LRMDA: variants seen among roughly 807,000 people sequenced by gnomAD.
LRMDA encodes leucine-rich melanocyte differentiation-associated protein.
In LRMDA, 18 loss-of-function variants were observed where a neutral mutation model predicts 29.8. That is an observed-to-expected ratio of 0.60 (90% confidence interval 0.42 to 0.90). The LOEUF (loss-of-function observed/expected upper bound fraction) is 0.90, where lower values mean the gene tolerates loss of function less well. Among genes scored for constraint, LRMDA ranks in the 40% least tolerant of loss-of-function variants. LRMDA has a pLI of 0.00. For missense variants in LRMDA, 273 were observed against 273.9 expected (o/e 1.00, Z 0.02); for synonymous variants, 125 against 109.4 (o/e 1.14, Z -0.89).
At chr10:76,330,642 G>A (rs1014740297) in intron 6 of LRMDA, among the ~76,000 whole-genome samples, 2 of 152,156 alleles carry the variant, frequency 1.3e-5, no homozygotes, top group Non-Finnish European at 2.9e-5. Context: ...GTAAGAGAAG[G>A]CCAGAGAGAC....
At chr10:76,041,604 A>C (rs1293906164) in intron 3 of LRMDA, among the ~76,000 whole-genome samples, 1 of 152,202 alleles carries the variant, frequency 6.6e-6, no homozygotes, top group Admixed American at 6.5e-5. Flanking sequence ...AGAGGGAGGG[A>C]TGTGTCCATT....
At position 76,442,820 on chromosome 10, in the gene LRMDA, G is replaced by T. The variant is rs563308458; in HGVS notation, c.602-114389G>T. The stretch of plus-strand genomic sequence containing the variant: ...GCTGAGCTTCTGCGACAAGTCTTAC[G>T]TAATGAATAAACTCTGGTGTTCAGT... On this transcript the variant is annotated intron_variant, in intron 6 of 6. Transcript: ENST00000611255. 5.9e-5 allele frequency among the ~76,000 whole-genome samples: 9 copies of T among 152,262 alleles called. No individual in the cohort carries two copies. In the East Asian group the frequency reaches 1.5e-3, roughly 26 times the overall value.
At chr10:75,597,527 A>T (rs182124910) in intron 2 of LRMDA, among the ~76,000 whole-genome samples, 11 of 152,194 alleles carry the variant, frequency 7.2e-5, no homozygotes, top group African/African-American at 2.6e-4. Context: ...AGCCTCCCTC[A>T]TTTACTCCTT....
intron 5 of LRMDA, among the ~76,000 whole-genome samples, chr10:76,136,593 C>A (rs1850098630): frequency 6.9e-6 from 1 of 144,544 alleles, no homozygotes; most frequent in Non-Finnish European, 1.5e-5. Context: ...TATTTACATA[C>A]AAGTGAACTT....
At chr10:76,298,976 C>G (rs1840445799) in intron 5 of LRMDA, among the ~76,000 whole-genome samples, 1 of 152,088 alleles carries the variant, frequency 6.6e-6, no homozygotes, top group South Asian at 2.1e-4. Context: ...TGTTGGTTGG[C>G]CACCTTCTTC....
At chr10:75,991,776 G>A (rs976657376) in intron 2 of LRMDA, among the ~76,000 whole-genome samples, 1 of 152,138 alleles carries the variant, frequency 6.6e-6, no homozygotes, top group African/African-American at 2.4e-5. Context: ...ACAGTCAACT[G>A]GCCAAGCTCA....
At chr10:75,723,389 T>C (rs1842593226) in intron 2 of LRMDA, among the ~76,000 whole-genome samples, 1 of 152,112 alleles carries the variant, frequency 6.6e-6, no homozygotes, top group Admixed American at 6.6e-5. Flanking sequence ...GAATGTGGGG[T>C]CTTTGATACC....
chr10:76,463,590 G>A (rs1339230511), intron 6 of LRMDA, among the ~76,000 whole-genome samples: 2 of 152,174 alleles, frequency 1.3e-5, no homozygotes. Flanking sequence ...TTGAGCAGAT[G>A]AGTGAATGTG....
intron 2 of LRMDA, among the ~76,000 whole-genome samples, chr10:75,558,688 C>G (rs1314324184): frequency 1.3e-5 from 2 of 149,230 alleles, no homozygotes; most frequent in South Asian, 2.2e-4. Context: ...CCACTCCCCC[C>G]ACCCCACAAC....
At chr10:75,954,649 C>T (rs1589265647) in intron 2 of LRMDA, among the ~76,000 whole-genome samples, 1 of 152,216 alleles carries the variant, frequency 6.6e-6, no homozygotes, top group East Asian at 1.9e-4. Flanking sequence ...CACTGAACGG[C>T]CATTTGAGGA....
At chr10:75,468,024 A>G (rs1844678266) in intron 2 of LRMDA, among the ~76,000 whole-genome samples, 1 of 151,172 alleles carries the variant, frequency 6.6e-6, no homozygotes, top group East Asian at 1.9e-4. Context: ...TTGCTCAGTC[A>G]TACTTAGGTA....
At chr10:75,446,604 T>C (rs541725882) in intron 2 of LRMDA, among the ~76,000 whole-genome samples, 1 of 152,382 alleles carries the variant, frequency 6.6e-6, no homozygotes, top group South Asian at 2.1e-4. Context: ...CTGGAATGAG[T>C]ATAACCCTTT....
intron 6 of LRMDA, among the ~76,000 whole-genome samples, chr10:76,490,911 G>A (rs945008134): frequency 4.0e-5 from 6 of 151,788 alleles, no homozygotes; most frequent in African/African-American, 7.2e-5. Flanking sequence ...ATGATTTAAC[G>A]TCTTGCTTTG....
Position 75,904,649 on chromosome 10 carries a change from C to T in LRMDA, c.132-131359C>T, listed in dbSNP as rs192778633. On this transcript the variant is annotated intron_variant, in intron 2 of 6. Transcript: ENST00000611255. The stretch of plus-strand genomic sequence containing the variant: ...AGGGAATTGTTTGTCCCTGTCTCCA[C>T]GGCAACGCCACCAGCACTTATCATT... Among the ~76,000 whole-genome samples the T allele has an allele frequency of 3.0e-4, 46 of 152,300 alleles. No homozygotes were observed. In the East Asian group the frequency reaches 7.7e-3, roughly 26 times the overall value.
chr10:76,432,862 C>T (rs959824107), intron 6 of LRMDA, among the ~76,000 whole-genome samples: 2 of 152,202 alleles, frequency 1.3e-5, no homozygotes, highest in Non-Finnish European at 1.5e-5. Flanking sequence ...GCCCCCTCCC[C>T]ACATGCCCTA....
chr10:76,148,124 C>T (rs760020720), intron 5 of LRMDA, among the ~76,000 whole-genome samples: 11 of 152,172 alleles, frequency 7.2e-5, no homozygotes, highest in African/African-American at 2.7e-4. Context: ...TTAGGCTACT[C>T]GGAAGTCAGG....
At chr10:75,887,002 C>T (rs988445883) in intron 2 of LRMDA, among the ~76,000 whole-genome samples, 6 of 151,974 alleles carry the variant, frequency 3.9e-5, no homozygotes, top group Admixed American at 1.3e-4. Flanking sequence ...AGTTCTGGGC[C>T]GCTATTTGAT....
At chr10:75,842,895 C>T (rs1213855825) in intron 2 of LRMDA, among the ~76,000 whole-genome samples, 3 of 151,978 alleles carry the variant, frequency 2.0e-5, no homozygotes, top group Non-Finnish European at 4.4e-5. Context: ...GTAGCATGAG[C>T]TTGTAGTCCC....
At position 75,501,547 on chromosome 10, in the gene LRMDA, T is replaced by G. The variant is rs911493891; in HGVS notation, c.131+63053T>G. 2.6e-5 allele frequency among the ~76,000 whole-genome samples: 4 copies of G among 152,238 alleles called. No homozygotes were observed. The South Asian group carries it at 8.3e-4, about 31-fold the overall frequency. ...ATGAGGTCATCTTGTGAATGTTTGC[T>G]GGTGGCTTTTCCATATTGAGGGCTT... On this transcript the variant is annotated intron_variant, in intron 2 of 6. Transcript: ENST00000611255.
Sources: allele counts gnomAD v4.1 joint callset (sites outside exome capture counted in the v4.1 genomes callset), GRCh38; gene constraint gnomAD v4.1.1; transcripts MANE v1.5; gene names NCBI Gene and HGNC (gene_info 2026-07-23, HGNC 2026-07-21).